The following SORCS1 variants were observed in gnomAD, a reference collection of about 807,000 sequenced individuals.
SORCS1 encodes the protein sortilin related VPS10 domain containing receptor 1, also known as VPS10 domain-containing receptor SorCS1.
A neutral mutation model predicts 146.1 loss-of-function variants in SORCS1; 60 were observed. The ratio of observed to expected loss-of-function variants is 0.41; its 90% CI spans 0.33 to 0.51. The LOEUF (loss-of-function observed/expected upper bound fraction) is 0.51, where lower values mean the gene tolerates loss of function less well. SORCS1 is among the 20% of genes least tolerant of loss of function. The pLI, the probability that SORCS1 is intolerant of heterozygous loss-of-function variation, is 0.21. For missense variants in SORCS1, 1,352 were observed against 1,487.6 expected (o/e 0.91, Z 1.50); for synonymous variants, 637 against 584.0 (o/e 1.09, Z -1.31).
At chr10:106,597,592 T>C in intron 23 of SORCS1, 142 bp from the exon 24 acceptor site, 2 of 619,622 alleles carry the variant, frequency 3.2e-6, no homozygotes. Context: ...ATGATTTTGA[T>C]TTAATTCCAG....
intron 1 of SORCS1, among the ~76,000 whole-genome samples, chr10:107,087,751 G>T (rs1963867890): frequency 6.6e-6 from 1 of 152,180 alleles, no homozygotes; most frequent in Admixed American, 6.5e-5. Flanking sequence ...ATGAAGATGT[G>T]GCAAAGATGG....
At chr10:106,941,877 G>A (rs112063820) in intron 2 of SORCS1, among the ~76,000 whole-genome samples, 6 of 152,312 alleles carry the variant, frequency 3.9e-5, no homozygotes, top group East Asian at 1.9e-4. Flanking sequence ...TAATCTGTAA[G>A]TCTTAGTTCT....
chr10:107,049,434 C>T (rs567734951), intron 1 of SORCS1, among the ~76,000 whole-genome samples: 2 of 152,074 alleles, frequency 1.3e-5, no homozygotes, highest in Admixed American at 6.5e-5. Flanking sequence ...AAAATACACC[C>T]CAGGGCAGGT....
chr10:107,063,888 T>C (rs1236407221), intron 1 of SORCS1, among the ~76,000 whole-genome samples: 2 of 152,194 alleles, frequency 1.3e-5, no homozygotes, highest in African/African-American at 2.4e-5. Flanking sequence ...TCTGGCTGCA[T>C]TGAAATCTGA....
Position 106,776,567 on chromosome 10 carries a change from T to C in SORCS1, c.852A>G (p.Glu284=), listed in dbSNP as rs781769966. ...CTTGACTGTATGCCAGAATCCAGTC[T>C]TCTTGTTTGGGGTGAAAAAGCAAGC... ...IQSLLFHPKQ[E]DWILAYSQDQ... is the part of the protein sequence containing the mutation. Residue 284 remains glutamate, a synonymous_variant, in exon 4 of 26, where the codon GAA becomes GAG. Transcript: ENST00000263054. The C allele has an allele frequency of 1.2e-6, 2 of 1,614,060 alleles. No individual in the cohort carries two copies. Among genetic ancestry groups the C allele is most frequent in the South Asian group, 1.1e-5 (1 of 91,076 alleles).
chr10:107,144,284 T>C (rs895544224), intron 1 of SORCS1, among the ~76,000 whole-genome samples: 2 of 152,212 alleles, frequency 1.3e-5, no homozygotes, highest in Non-Finnish European at 2.9e-5. Flanking sequence ...CCCTTAGACT[T>C]TGAACTACTT....
At chr10:106,800,246 G>A (rs1946797200) in intron 3 of SORCS1, among the ~76,000 whole-genome samples, 2 of 152,108 alleles carry the variant, frequency 1.3e-5, no homozygotes, top group Non-Finnish European at 2.9e-5. Context: ...AAATGTACCA[G>A]TAGGACTCAC....
Position 107,164,490 on chromosome 10 carries a change from G to T in SORCS1, c.37C>A (p.Arg13=). 1 of 1,353,534 alleles carries T rather than the reference G, an allele frequency of 7.4e-7. No homozygotes were observed. The highest frequency in any genetic ancestry group is 1.9e-5 in the South Asian group (1 of 53,602). 83.8% of individuals were successfully genotyped at this position (1,353,534 alleles called of 1,614,324 possible). ...KVGAGGGSQA[R]LSALLAGAGL... ...GCGCCGGCGAGGAGCGCGCTCAGCCGGGCTTGGGAGCCGCCGCCGGCGCCA... is the reference window on the plus strand; with the variant it reads ...GCGCCGGCGAGGAGCGCGCTCAGCCTGGCTTGGGAGCCGCCGCCGGCGCCA... Residue 13 remains arginine (R), a synonymous_variant, in exon 1 of 26, where the codon CGG becomes AGG. Coordinates refer to ENST00000263054, the MANE Select transcript of SORCS1 (RefSeq NM_052918.5). The surrounding 1 kb of genome is among the most constrained non-coding windows in gnomAD (Gnocchi z 6.8).
chr10:106,787,081 G>A (rs924242063), intron 3 of SORCS1, among the ~76,000 whole-genome samples: 2 of 152,180 alleles, frequency 1.3e-5, no homozygotes, highest in South Asian at 2.1e-4. Flanking sequence ...CCAGTTCAAT[G>A]TCCATTAAAG....
intron 3 of SORCS1, among the ~76,000 whole-genome samples, chr10:106,802,915 G>A (rs985378608): frequency 2.3e-4 from 35 of 152,306 alleles, no homozygotes; most frequent in African/African-American, 7.7e-4. Flanking sequence ...ACAGGTGTGA[G>A]CCATCATGCC....
chr10:106,759,485 A>C (rs1226547835), intron 5 of SORCS1, among the ~76,000 whole-genome samples: 1 of 152,216 alleles, frequency 6.6e-6, no homozygotes, highest in Non-Finnish European at 1.5e-5. Context: ...TTTTGGCAGG[A>C]GGTAGGATGT....
intron 6 of SORCS1, among the ~76,000 whole-genome samples, chr10:106,728,852 A>G (rs1045074796): frequency 3.9e-5 from 6 of 152,320 alleles, no homozygotes; most frequent in Non-Finnish European, 5.9e-5. Context: ...TGGGTAGCCT[A>G]CAACAGCCTC....
At chr10:106,838,114 C>A (rs1376284702) in intron 2 of SORCS1, among the ~76,000 whole-genome samples, 1 of 152,242 alleles carries the variant, frequency 6.6e-6, no homozygotes, top group South Asian at 2.1e-4. Context: ...TTGTGTTACC[C>A]AGTGGACTTC....
At chr10:106,824,616 T>C (rs1367058476) in intron 3 of SORCS1, among the ~76,000 whole-genome samples, 2 of 147,744 alleles carry the variant, frequency 1.4e-5, no homozygotes, top group Non-Finnish European at 3.0e-5. Flanking sequence ...GTCACATACA[T>C]GATACACAAA....
At chr10:106,632,751 A>T (rs1848509229) in intron 18 of SORCS1, among the ~76,000 whole-genome samples, 1 of 152,240 alleles carries the variant, frequency 6.6e-6, no homozygotes. Context: ...AAATTATTGC[A>T]GGGTGACATG....
intron 18 of SORCS1, among the ~76,000 whole-genome samples, chr10:106,640,695 G>A (rs1849017860): frequency 6.6e-6 from 1 of 152,200 alleles, no homozygotes; most frequent in African/African-American, 2.4e-5. Context: ...CTGGGAAGCT[G>A]AGTTATTGTG....
chr10:106,621,496 C>G (rs547663824), intron 19 of SORCS1, among the ~76,000 whole-genome samples: 2 of 151,714 alleles, frequency 1.3e-5, no homozygotes, highest in East Asian at 3.9e-4. Context: ...CTTTTTCACT[C>G]TCTACAGACT....
At chr10:106,970,405 C>A (rs1220635851) in intron 1 of SORCS1, among the ~76,000 whole-genome samples, 3 of 137,394 alleles carry the variant, frequency 2.2e-5, no homozygotes, top group Admixed American at 8.0e-5. Flanking sequence ...GTGGCGTGAT[C>A]CCTGCCCACT....
In SORCS1 at chr10:107,129,739, T is replaced by C. The variant is rs752464311; in HGVS notation, c.558+34230A>G. ...TTTTCAACTGCTCTTCTAATTCTCC[T>C]TTCTCAGTGCCCCTAATAACTTCTT... On this transcript the variant is annotated intron_variant, in intron 1 of 25. Coordinates refer to ENST00000263054, the MANE Select transcript of SORCS1 (RefSeq NM_052918.5). Among the ~76,000 whole-genome samples the C allele has an allele frequency of 2.0e-5, 3 of 152,358 alleles. No homozygotes were observed. In the South Asian group the frequency reaches 6.2e-4, roughly 32 times the overall value.
Sources: allele counts gnomAD v4.1 joint callset (sites outside exome capture counted in the v4.1 genomes callset), GRCh38; gene constraint gnomAD v4.1.1; non-coding constraint Gnocchi (gnomAD v3.1); transcripts MANE v1.5; gene names NCBI Gene and HGNC (gene_info 2026-07-23, HGNC 2026-07-21).